PRKCA: variants seen among roughly 807,000 people sequenced by gnomAD.
PRKCA encodes the protein protein kinase C alpha, also known as protein kinase C alpha type.
In PRKCA, 27 loss-of-function variants were observed where a neutral mutation model predicts 87.0. That is an observed-to-expected ratio of 0.31 (90% CI 0.23 to 0.43). The LOEUF (loss-of-function observed/expected upper bound fraction) is 0.43. PRKCA is among the 20% of genes least tolerant of loss of function. The pLI is 1.00. For missense variants in PRKCA, 518 were observed against 852.3 expected (o/e 0.61, Z 4.88); for synonymous variants, 329 against 311.1 (o/e 1.06, Z -0.61).
chr17:66,536,524 G>A (rs1003714498), intron 3 of PRKCA, among the ~76,000 whole-genome samples: 2 of 152,174 alleles, frequency 1.3e-5, no homozygotes, highest in African/African-American at 4.8e-5. Context: ...AGTTAACTTC[G>A]GAGCCGGAAG....
chr17:66,771,648 C>T (rs1468053148), intron 13 of PRKCA, among the ~76,000 whole-genome samples: 2 of 151,940 alleles, frequency 1.3e-5, no homozygotes, highest in Non-Finnish European at 2.9e-5. Context: ...GGCTAGAGTG[C>T]AGTGGTATGC....
chr17:66,438,154 T>C (rs7224533), intron 2 of PRKCA, among the ~76,000 whole-genome samples: 66,678 of 151,878 alleles, frequency 0.44, 16,821 homozygotes, highest in African/African-American at 0.69. Flanking sequence ...CTCCCTGCCC[T>C]TCATCTTGTG....
intron 3 of PRKCA, among the ~76,000 whole-genome samples, chr17:66,554,959 A>C (rs969616347): frequency 6.6e-6 from 1 of 150,428 alleles, no homozygotes; most frequent in African/African-American, 2.5e-5. Flanking sequence ...AGCTCACTGC[A>C]ACCTCTGCCT....
chr17:66,541,227 G>A (rs1482256025), intron 3 of PRKCA, among the ~76,000 whole-genome samples: 5 of 152,102 alleles, frequency 3.3e-5, no homozygotes, highest in African/African-American at 1.2e-4. Flanking sequence ...GTTGTGTGCC[G>A]CTTCTCCACT....
At chr17:66,795,171 A>G (rs1459904781) in intron 16 of PRKCA, among the ~76,000 whole-genome samples, 1 of 152,134 alleles carries the variant, frequency 6.6e-6, no homozygotes, top group Non-Finnish European at 1.5e-5. Context: ...TCTTTTAATA[A>G]TTACTCCAGC....
At chr17:66,709,301 C>CTTTTTTTTTTTTTTT (rs552633887) in intron 8 of PRKCA, among the ~76,000 whole-genome samples, 1 of 84,908 alleles carries the variant, frequency 1.2e-5, no homozygotes, top group African/African-American at 4.8e-5. Context: ...GAGATGATTT[C>CTTTTTTTTTTTTTTT]TTTTTTTTTT....
chr17:66,505,858 A>G (rs1279975463), intron 3 of PRKCA, among the ~76,000 whole-genome samples: 1 of 102,892 alleles, frequency 9.7e-6, no homozygotes, highest in Non-Finnish European at 2.5e-5. Flanking sequence ...TTATTTATTT[A>G]TTTACTTATT....
intron 8 of PRKCA, among the ~76,000 whole-genome samples, chr17:66,692,044 G>A (rs1055478143): frequency 5.3e-5 from 8 of 152,208 alleles, no homozygotes; most frequent in Admixed American, 1.3e-4. Flanking sequence ...GTCAGAGGCC[G>A]CAGGGCTGTT....
At chr17:66,643,624 T>C (rs1452786944) in intron 4 of PRKCA, among the ~76,000 whole-genome samples, 3 of 152,234 alleles carry the variant, frequency 2.0e-5, no homozygotes, top group African/African-American at 7.2e-5. Flanking sequence ...AATGCTTTTT[T>C]GTTTGGTTTT....
chr17:66,590,582 C>T (rs1412546759), intron 3 of PRKCA, among the ~76,000 whole-genome samples: 2 of 152,192 alleles, frequency 1.3e-5, no homozygotes, highest in African/African-American at 4.8e-5. Flanking sequence ...GACGTAGTGG[C>T]TCACGCCTGT....
intron 3 of PRKCA, among the ~76,000 whole-genome samples, chr17:66,632,521 A>G (rs1268243829): frequency 1.3e-5 from 2 of 152,212 alleles, no homozygotes; most frequent in Admixed American, 1.3e-4. Flanking sequence ...CTGGGACTAA[A>G]GGCATAGGCC....
intron 2 of PRKCA, among the ~76,000 whole-genome samples, chr17:66,355,706 C>G (rs1908005745): frequency 6.6e-6 from 1 of 152,122 alleles, no homozygotes; most frequent in African/African-American, 2.4e-5. Context: ...TTATTCATAA[C>G]AGCAAAAACA....
chr17:66,576,837 C>T (rs72845930), intron 3 of PRKCA, among the ~76,000 whole-genome samples: 8,810 of 150,516 alleles, frequency 0.059, 331 homozygotes, highest in Non-Finnish European at 0.084. Context: ...TTTCTGTTCT[C>T]AAACCCTTGT....
chr17:66,462,147 C>A (rs1003463202), intron 2 of PRKCA, among the ~76,000 whole-genome samples: 4 of 152,112 alleles, frequency 2.6e-5, no homozygotes, highest in African/African-American at 9.7e-5. Context: ...CAGACAAATC[C>A]CTTCATGGAT....
At chr17:66,702,206 G>C (rs905391107) in intron 8 of PRKCA, among the ~76,000 whole-genome samples, 3 of 151,178 alleles carry the variant, frequency 2.0e-5, no homozygotes, top group African/African-American at 7.3e-5. Flanking sequence ...ATATGTATAT[G>C]TGTGTATGTG....
intron 5 of PRKCA, among the ~76,000 whole-genome samples, chr17:66,663,543 G>T (rs574581153): frequency 6.6e-6 from 1 of 152,296 alleles, no homozygotes; most frequent in African/African-American, 2.4e-5. Context: ...GGCTTAACTT[G>T]TCTTGATATA....
intron 5 of PRKCA, among the ~76,000 whole-genome samples, chr17:66,647,687 G>A (rs906631103): frequency 2.6e-5 from 4 of 152,196 alleles, no homozygotes; most frequent in African/African-American, 9.7e-5. Flanking sequence ...GCCTTATCGT[G>A]CTAGAGCTTA....
chr17:66,675,824 G>A (rs1457193224), intron 5 of PRKCA, among the ~76,000 whole-genome samples: 2 of 152,134 alleles, frequency 1.3e-5, no homozygotes, highest in Non-Finnish European at 2.9e-5. Flanking sequence ...AGCCCCTAGC[G>A]ATGCCAGTTC....
At chr17:66,718,762 C>T (rs1438502964) in intron 8 of PRKCA, among the ~76,000 whole-genome samples, 1 of 152,214 alleles carries the variant, frequency 6.6e-6, no homozygotes, top group Non-Finnish European at 1.5e-5. Flanking sequence ...GAGGGAGACA[C>T]ATTCAAACCA....
Sources: allele counts gnomAD v4.1 joint callset (sites outside exome capture counted in the v4.1 genomes callset), GRCh38; gene constraint gnomAD v4.1.1; transcripts MANE v1.5; gene names NCBI Gene and HGNC (gene_info 2026-07-23, HGNC 2026-07-21).